GULP1: variants seen among roughly 807,000 people sequenced by gnomAD.
GULP1 encodes GULP PTB domain containing engulfment adaptor 1.
A neutral mutation model predicts 40.9 loss-of-function variants in GULP1; 19 were observed. That is an observed-to-expected ratio of 0.46 (90% CI 0.32 to 0.68). The LOEUF is 0.68. GULP1 is among the 30% of genes least tolerant of loss of function. The pLI is 0.03. For missense variants in GULP1, 312 were observed against 362.2 expected (o/e 0.86, Z 1.12); for synonymous variants, 119 against 117.6 (o/e 1.01, Z -0.08).
chr2:188,437,380 A>G (rs947829916), intron 2 of GULP1, among the ~76,000 whole-genome samples: 16 of 152,100 alleles, frequency 1.1e-4, no homozygotes, highest in African/African-American at 3.1e-4. Context: ...TGTTCTATTT[A>G]GAGGTGAAAA....
chr2:188,398,832 A>G (rs1356654496), intron 2 of GULP1, among the ~76,000 whole-genome samples: 2 of 152,218 alleles, frequency 1.3e-5, no homozygotes, highest in African/African-American at 2.4e-5. Flanking sequence ...AAATATTTTC[A>G]TGAGAATAAT....
chr2:188,302,240 G>A (rs7585851), intron 1 of GULP1, among the ~76,000 whole-genome samples: 114,266 of 151,960 alleles, frequency 0.75, 43,391 homozygotes, highest in East Asian at 0.95. Context: ...TTATTAACTA[G>A]ATTTATTTTA....
chr2:188,368,844 T>C (rs2152424965), intron 1 of GULP1, among the ~76,000 whole-genome samples: 1 of 147,970 alleles, frequency 6.8e-6, no homozygotes, highest in East Asian at 2.0e-4. Context: ...ACATAACAAA[T>C]TTATGTGGCC....
At chr2:188,400,514 C>T (rs2052078043) in intron 2 of GULP1, among the ~76,000 whole-genome samples, 1 of 152,028 alleles carries the variant, frequency 6.6e-6, no homozygotes, top group African/African-American at 2.4e-5. Context: ...GCTAGTGTAA[C>T]AGATGGTAAG....
intron 1 of GULP1, among the ~76,000 whole-genome samples, chr2:188,296,492 G>C (rs1193041264): frequency 6.6e-6 from 1 of 152,060 alleles, no homozygotes; most frequent in Non-Finnish European, 1.5e-5. Flanking sequence ...GTGTGGGATA[G>C]TAAGTGTCAA....
chr2:188,580,547 C>T (rs568030929), intron 9 of GULP1, among the ~76,000 whole-genome samples: 2,253 of 62,924 alleles, frequency 0.036, 70 homozygotes, highest in African/African-American at 0.091. Context: ...AGCGAGACTC[C>T]GTCTCAAAAA....
At chr2:188,478,408 T>A (rs945114172) in intron 3 of GULP1, among the ~76,000 whole-genome samples, 1 of 152,138 alleles carries the variant, frequency 6.6e-6, no homozygotes, top group Admixed American at 6.6e-5. Context: ...GTTTAAATAA[T>A]GTATCCTTTC....
At chr2:188,421,044 G>A (rs1249553528) in intron 2 of GULP1, among the ~76,000 whole-genome samples, 1 of 151,960 alleles carries the variant, frequency 6.6e-6, no homozygotes, top group African/African-American at 2.4e-5. Context: ...CATAATATTG[G>A]AAGTCCTAGT....
chr2:188,306,056 G>A (rs937130308), intron 1 of GULP1, among the ~76,000 whole-genome samples: 5 of 152,104 alleles, frequency 3.3e-5, no homozygotes, highest in African/African-American at 1.2e-4. Flanking sequence ...GGGATTATAG[G>A]TGTGAGCCAC....
At chr2:188,585,476 C>T (rs530719149) in intron 10 of GULP1, among the ~76,000 whole-genome samples, 16 of 152,180 alleles carry the variant, frequency 1.1e-4, no homozygotes, top group South Asian at 8.3e-4. Context: ...AACATTCAGG[C>T]GTTTCCATAC....
At chr2:188,566,916 G>A (rs1459886511) in intron 7 of GULP1, among the ~76,000 whole-genome samples, 1 of 150,668 alleles carries the variant, frequency 6.6e-6, no homozygotes, top group African/African-American at 2.4e-5. Flanking sequence ...GAATTTGCAA[G>A]GAACTTAAAC....
intron 1 of GULP1, among the ~76,000 whole-genome samples, chr2:188,325,227 C>G (rs1179616141): frequency 6.6e-6 from 1 of 152,024 alleles, no homozygotes; most frequent in Non-Finnish European, 1.5e-5. Flanking sequence ...TTGGGAGAAT[C>G]TGGACCATCC....
rs574988263 is a variant in GULP1, at chr2:188,486,195, T to C, written c.90+2703T>C. ...AAAAAGTCAGTTTGAATCAAGAGTG[T>C]TAGAATGACATTAAACCTCTTAGGA... On this transcript the variant is annotated intron_variant, in intron 4 of 11. Coordinates refer to ENST00000409830, the MANE Select transcript of GULP1 (RefSeq NM_016315.4). 3.9e-5 allele frequency among the ~76,000 whole-genome samples: 6 copies of C among 152,108 alleles called. No homozygotes were observed. In the South Asian group the frequency reaches 1.0e-3, roughly 26 times the overall value.
intron 1 of GULP1, among the ~76,000 whole-genome samples, chr2:188,379,923 G>A (rs1487037437): frequency 6.6e-6 from 1 of 152,130 alleles, no homozygotes; most frequent in Non-Finnish European, 1.5e-5. Flanking sequence ...AGGTTAATGA[G>A]TCTTATCTCT....
intron 11 of GULP1, 131 bp from the exon 12 acceptor site, chr2:188,593,809 A>G (rs938434779): frequency 1.7e-6 from 1 of 604,658 alleles, no homozygotes; most frequent in East Asian, 2.8e-5. Flanking sequence ...GCAAGTCAAC[A>G]TTTGACATAT....
chr2:188,541,410 A>G, intron 7 of GULP1, 92 bp downstream of exon 7: 1 of 1,034,974 alleles, frequency 9.7e-7, no homozygotes, highest in Non-Finnish European at 1.5e-6. Context: ...TTGAAAATGA[A>G]TAATTTTCTG....
chr2:188,335,509 A>G (rs2042144479), intron 1 of GULP1, among the ~76,000 whole-genome samples: 1 of 152,146 alleles, frequency 6.6e-6, no homozygotes, highest in Non-Finnish European at 1.5e-5. Flanking sequence ...AATTATTTGC[A>G]GTGTGGATTG....
intron 1 of GULP1, among the ~76,000 whole-genome samples, chr2:188,367,333 A>C (rs1427783827): frequency 6.6e-6 from 1 of 152,218 alleles, no homozygotes; most frequent in Non-Finnish European, 1.5e-5. Context: ...GCTGCAGGGC[A>C]GACAGTTGCG....
intron 1 of GULP1, among the ~76,000 whole-genome samples, chr2:188,317,939 T>C (rs887556146): frequency 3.9e-5 from 6 of 152,096 alleles, no homozygotes; most frequent in African/African-American, 1.4e-4. Context: ...AGTTTTTCAT[T>C]GTTCATTTTT....
Sources: gnomAD v4.1 joint callset for allele counts (sites outside exome capture counted in the v4.1 genomes callset) on GRCh38, gnomAD v4.1.1 for gene constraint, MANE v1.5 for transcripts, NCBI Gene and HGNC (gene_info 2026-07-23, HGNC 2026-07-21) for gene names.